ZNF722: variants seen among roughly 807,000 people sequenced by gnomAD.
The protein encoded by ZNF722 is zinc finger protein 479 pseudogene.
the ZNF722 span, among the ~76,000 whole-genome samples, chr7:64,007,230 G>GTATATA: frequency 8.9e-3 from 1,232 of 138,472 alleles, 60 homozygotes; most frequent in African/African-American, 0.033. Context: ...GTTTGTGTGT[G>GTATATA]TATATATATA....
At chr7:64,015,965 T>C in the ZNF722 span, 8 of 1,150,534 alleles carry the variant, frequency 7.0e-6, no homozygotes, top group African/African-American at 1.2e-4. Context: ...ATACAATAAT[T>C]TATGCTGGAA....
At chr7:64,006,360 T>A in the ZNF722 span, 4 of 1,188,952 alleles carry the variant, frequency 3.4e-6, no homozygotes, top group Non-Finnish European at 4.7e-6. Context: ...AGATGAGAGA[T>A]ACACAAATCA....
the ZNF722 span, among the ~76,000 whole-genome samples, chr7:64,009,626 C>T: frequency 1.3e-5 from 2 of 152,136 alleles, no homozygotes; most frequent in East Asian, 3.9e-4. Flanking sequence ...TTTTGATGTG[C>T]TGCTGGATTC....
the ZNF722 span, among the ~76,000 whole-genome samples, chr7:64,004,425 A>AATATATATATATAT: frequency 2.6e-4 from 16 of 61,100 alleles, no homozygotes; most frequent in African/African-American, 9.6e-4. Context: ...AAAAAAAAAA[A>AATATATATATATAT]ATATATATAT....
At chr7:64,013,947 T>G in the ZNF722 span, among the ~76,000 whole-genome samples, 5 of 152,150 alleles carry the variant, frequency 3.3e-5, no homozygotes, top group African/African-American at 1.2e-4. Context: ...CTTTGACCAT[T>G]TAACACAGTT....
chr7:64,009,971 G>T, the ZNF722 span, among the ~76,000 whole-genome samples: 1 of 152,146 alleles, frequency 6.6e-6, no homozygotes, highest in Admixed American at 6.6e-5. Context: ...TTAGTCTTGG[G>T]AGGGTGTATG....
chr7:64,015,853 AG>A, the ZNF722 span: 1 of 1,593,818 alleles, frequency 6.3e-7, no homozygotes, highest in East Asian at 2.2e-5. Flanking sequence ...AAAGCTTTTA[AG>A]AGGCATTCAA....
chr7:64,006,386 C>T, the ZNF722 span: 7 of 1,058,436 alleles, frequency 6.6e-6, no homozygotes, highest in Non-Finnish European at 1.4e-6. Flanking sequence ...GCAGCCAGTC[C>T]TTGAAATGTG....
the ZNF722 span, among the ~76,000 whole-genome samples, chr7:64,012,397 C>A: frequency 2.0e-5 from 3 of 152,096 alleles, no homozygotes; most frequent in Admixed American, 1.3e-4. Flanking sequence ...TGGTTCCTCC[C>A]CATCTTTGTG....
the ZNF722 span, among the ~76,000 whole-genome samples, chr7:64,007,386 C>G: frequency 6.6e-6 from 1 of 151,970 alleles, no homozygotes; most frequent in Admixed American, 6.6e-5. Context: ...TGCTATCCCT[C>G]CCCCATCCCC....
chr7:63,998,859 T>G, the ZNF722 span: 2 of 1,339,578 alleles, frequency 1.5e-6, no homozygotes, highest in Middle Eastern at 2.2e-4. Flanking sequence ...CTTTTGTGCT[T>G]CTCTGCGTCC....
the ZNF722 span, chr7:64,016,062 A>C: frequency 2.1e-5 from 13 of 610,682 alleles, no homozygotes; most frequent in Non-Finnish European, 3.2e-5. Flanking sequence ...TATTGGACAA[A>C]AATTTTATAA....
chr7:63,999,094 G>T, the ZNF722 span: 3 of 1,397,838 alleles, frequency 2.1e-6, no homozygotes, highest in Non-Finnish European at 3.0e-6. Context: ...CTCGCAGTCA[G>T]CTCTGGAGTC....
the ZNF722 span, among the ~76,000 whole-genome samples, chr7:64,004,890 TC>T: frequency 6.6e-6 from 1 of 152,158 alleles, no homozygotes; most frequent in Non-Finnish European, 1.5e-5. Flanking sequence ...TCAGACTTTA[TC>T]CCAAATCTCC....
At chr7:64,000,436 C>CTTT in the ZNF722 span, among the ~76,000 whole-genome samples, 329 of 23,696 alleles carry the variant, frequency 0.014, 122 homozygotes, top group East Asian at 0.063. Context: ...CATGCCCGGC[C>CTTT]TTTTTTTTTT....
chr7:64,010,136 A>T, the ZNF722 span, among the ~76,000 whole-genome samples: 1 of 151,752 alleles, frequency 6.6e-6, no homozygotes, highest in Admixed American at 6.6e-5. Context: ...TCTCTCTTTT[A>T]TTCTTTATTA....
the ZNF722 span, chr7:64,015,477 G>C: frequency 6.2e-7 from 1 of 1,612,268 alleles, no homozygotes; most frequent in Non-Finnish European, 8.5e-7. Flanking sequence ...TCATACTGGA[G>C]AGAAACCCTA....
the ZNF722 span, among the ~76,000 whole-genome samples, chr7:64,017,990 G>A: frequency 1.3e-5 from 2 of 152,234 alleles, no homozygotes; most frequent in South Asian, 4.1e-4. Flanking sequence ...AGAGATATAA[G>A]AGATTGTTTA....
At chr7:64,004,425 A>AAAAATATATATATAT in the ZNF722 span, among the ~76,000 whole-genome samples, 11 of 61,108 alleles carry the variant, frequency 1.8e-4, no homozygotes, top group African/African-American at 4.8e-4. Context: ...AAAAAAAAAA[A>AAAAATATATATATAT]ATATATATAT....
Sources: gnomAD v4.1 joint callset for allele counts (sites outside exome capture counted in the v4.1 genomes callset) on GRCh38, gnomAD v4.1.1 for gene constraint, MANE v1.5 for transcripts, NCBI Gene and HGNC (gene_info 2026-07-23, HGNC 2026-07-21) for gene names.